Variants in SLC35F4 observed in about 807,000 individuals in gnomAD.
The protein encoded by SLC35F4 is chromosome 14 open reading frame 36.
Under a neutral mutation model 44.2 loss-of-function variants are expected in SLC35F4, and 24 were observed. That is an observed-to-expected ratio of 0.54 (90% CI 0.39 to 0.76). The LOEUF is 0.76. SLC35F4 is among the 30% of genes least tolerant of loss of function. The probability of loss-of-function intolerance (pLI) is 0.00; values close to 1 mark genes in which losing one functional copy is unlikely to be tolerated. For missense variants in SLC35F4, 562 were observed against 586.1 expected (o/e 0.96, Z 0.42); for synonymous variants, 238 against 223.6 (o/e 1.06, Z -0.57).
intron 1 of SLC35F4, chr14:57,629,796 C>G: frequency 3.2e-6 from 1 of 308,542 alleles, no homozygotes; most frequent in South Asian, 3.0e-5. Context: ...TGAGAAATTA[C>G]AACTGCATGA....
intron 1 of SLC35F4, among the ~76,000 whole-genome samples, chr14:57,713,438 C>T (rs1038233900): frequency 6.6e-6 from 1 of 152,140 alleles, no homozygotes; most frequent in African/African-American, 2.4e-5. Flanking sequence ...TCCCATACCC[C>T]CTAGTTTAAG....
chr14:57,811,504 C>CTGCACAGAT (rs1271731351), intron 1 of SLC35F4, among the ~76,000 whole-genome samples: 1 of 152,196 alleles, frequency 6.6e-6, no homozygotes, highest in East Asian at 1.9e-4. Flanking sequence ...ATGTGGAAGA[C>CTGCACAGAT]GTGGTATTCT....
chr14:57,771,462 G>A (rs1281134442), intron 1 of SLC35F4, among the ~76,000 whole-genome samples: 2 of 152,258 alleles, frequency 1.3e-5, no homozygotes, highest in African/African-American at 4.8e-5. Context: ...ACTAGCAGGC[G>A]ATATTTTCTG....
At chr14:57,692,390 T>C (rs2075261112) in intron 1 of SLC35F4, among the ~76,000 whole-genome samples, 1 of 152,052 alleles carries the variant, frequency 6.6e-6, no homozygotes, top group Non-Finnish European at 1.5e-5. Flanking sequence ...TAGCTAATAG[T>C]CTATTGATTT....
At chr14:57,921,233 G>T (rs1388704955) in intron 1 of SLC35F4, among the ~76,000 whole-genome samples, 1 of 152,176 alleles carries the variant, frequency 6.6e-6, no homozygotes, top group Non-Finnish European at 1.5e-5. Context: ...GCTGGCTATT[G>T]TCTATTAGAA....
chr14:57,788,321 G>A (rs1258354555), intron 1 of SLC35F4, among the ~76,000 whole-genome samples: 1 of 151,878 alleles, frequency 6.6e-6, no homozygotes, highest in East Asian at 1.9e-4. Flanking sequence ...TAATAGTGGG[G>A]GACATCAATA....
intron 1 of SLC35F4, among the ~76,000 whole-genome samples, chr14:57,737,090 TTCTA>T (rs2076483105): frequency 7.1e-6 from 1 of 141,332 alleles, no homozygotes; most frequent in Admixed American, 7.4e-5. Flanking sequence ...ATGACATTCT[TTCTA>T]TCTTTGTGTG....
intron 1 of SLC35F4, among the ~76,000 whole-genome samples, chr14:57,846,143 G>A (rs1886003003): frequency 6.6e-6 from 1 of 152,152 alleles, no homozygotes; most frequent in Admixed American, 6.5e-5. Context: ...TTAGACCAAG[G>A]TAATCAGATA....
At chr14:57,745,761 G>T (rs1448520652) in intron 1 of SLC35F4, among the ~76,000 whole-genome samples, 1 of 152,146 alleles carries the variant, frequency 6.6e-6, no homozygotes, top group Admixed American at 6.5e-5. Context: ...TATAAATCAT[G>T]CTACTATAAA....
At chr14:57,828,886 T>C (rs1314013526) in intron 1 of SLC35F4, among the ~76,000 whole-genome samples, 1 of 152,204 alleles carries the variant, frequency 6.6e-6, no homozygotes, top group East Asian at 1.9e-4. Flanking sequence ...ACAATAATAA[T>C]TTCTCCATAG....
intron 1 of SLC35F4, among the ~76,000 whole-genome samples, chr14:57,783,231 G>T (rs908967669): frequency 6.6e-6 from 1 of 151,696 alleles, no homozygotes; most frequent in Non-Finnish European, 1.5e-5. Flanking sequence ...TCTAAAGCTG[G>T]AGGATTTAAT....
At chr14:57,624,630 G>A (rs1044889439) in intron 1 of SLC35F4, among the ~76,000 whole-genome samples, 1 of 152,056 alleles carries the variant, frequency 6.6e-6, no homozygotes, top group Non-Finnish European at 1.5e-5. Flanking sequence ...TTCATCCCTG[G>A]GATGCAAGAT....
intron 1 of SLC35F4, chr14:57,629,834 T>G: frequency 6.0e-6 from 2 of 331,858 alleles, no homozygotes; most frequent in Non-Finnish European, 1.2e-5. Context: ...GAGTGGAGGA[T>G]CGGCAGCCGG....
intron 1 of SLC35F4, among the ~76,000 whole-genome samples, chr14:57,858,706 T>C (rs1887376276): frequency 1.4e-5 from 2 of 142,858 alleles, no homozygotes; most frequent in African/African-American, 5.9e-5. Flanking sequence ...AAAAAAAGAA[T>C]TACTATAAAA....
chr14:57,926,691 T>G (rs1889577679), intron 1 of SLC35F4, among the ~76,000 whole-genome samples: 1 of 136,316 alleles, frequency 7.3e-6, no homozygotes, highest in Admixed American at 7.8e-5. Flanking sequence ...TTACCATTCC[T>G]TTTATAAAAA....
At chr14:57,652,138 A>G (rs1270768378) in intron 1 of SLC35F4, among the ~76,000 whole-genome samples, 1 of 152,240 alleles carries the variant, frequency 6.6e-6, no homozygotes, top group Non-Finnish European at 1.5e-5. Context: ...ATGTAACTTC[A>G]TGTCTTAAGA....
At chr14:57,721,141 T>G (rs908267844) in intron 1 of SLC35F4, among the ~76,000 whole-genome samples, 2 of 150,756 alleles carry the variant, frequency 1.3e-5, no homozygotes, top group Non-Finnish European at 3.0e-5. Flanking sequence ...AAGGATGGAG[T>G]TCTTTCACTG....
chr14:57,978,104 G>A (rs1179431686), intron 1 of SLC35F4, among the ~76,000 whole-genome samples: 4 of 152,122 alleles, frequency 2.6e-5, no homozygotes, highest in African/African-American at 4.8e-5. Flanking sequence ...CCATTCTGAG[G>A]AGACATGCTC....
At chr14:57,571,010 T>C (rs917896775) in intron 5 of SLC35F4, among the ~76,000 whole-genome samples, 132 of 152,272 alleles carry the variant, frequency 8.7e-4, no homozygotes, top group African/African-American at 3.2e-3. Context: ...GGCCAAGAAA[T>C]GTCAATATGG....
Sources: gnomAD v4.1 joint callset for allele counts (sites outside exome capture counted in the v4.1 genomes callset) on GRCh38, gnomAD v4.1.1 for gene constraint, MANE v1.5 for transcripts, NCBI Gene and HGNC (gene_info 2026-07-23, HGNC 2026-07-21) for gene names.